Variants in RBFOX3 observed in about 807,000 individuals in gnomAD.
RBFOX3 encodes the protein RNA binding fox-1 homolog 3.
A neutral mutation model predicts 48.7 loss-of-function variants in RBFOX3; 17 were observed. That is an observed-to-expected ratio of 0.35 (90% CI 0.24 to 0.52). The LOEUF is 0.52. RBFOX3 is among the 20% of genes least tolerant of loss of function. RBFOX3 has a pLI of 0.94. For missense variants in RBFOX3, 382 were observed against 497.5 expected (o/e 0.77, Z 2.21); for synonymous variants, 212 against 209.5 (o/e 1.01, Z -0.10).
At chr17:79,270,304 C>A (rs182906258) in intron 3 of RBFOX3, among the ~76,000 whole-genome samples, 1 of 152,204 alleles carries the variant, frequency 6.6e-6, no homozygotes, top group Non-Finnish European at 1.5e-5. Flanking sequence ...GAGTTCAGAA[C>A]CATCTCTGCA....
At position 79,268,149 on chromosome 17, in the gene RBFOX3, GA is replaced by G. The variant is rs1415227723; in HGVS notation, c.-73-32345del. On this transcript the variant is annotated intron_variant, in intron 3 of 14. Coordinates refer to ENST00000693108, the MANE Select transcript of RBFOX3 (RefSeq NM_001350451.2). ...CTGGCTGCCGTGAGGGGCAAGCAGG[GA>G]GAGTGGCTTCTCGTCTGCGAGTCTG... Among the ~76,000 whole-genome samples the G allele has an allele frequency of 1.4e-4, 8 of 59,106 alleles. No homozygotes were observed. The East Asian group carries it at 8.4e-3, about 62-fold the overall frequency. 38.8% of individuals were successfully genotyped at this position (59,106 alleles called of 152,430 possible).
chr17:79,177,936 C>T (rs954088137), intron 4 of RBFOX3, among the ~76,000 whole-genome samples: 33 of 152,326 alleles, frequency 2.2e-4, no homozygotes, highest in Admixed American at 1.1e-3. Context: ...TTGGGAGGAG[C>T]CCCAGTCTCT....
intron 2 of RBFOX3, among the ~76,000 whole-genome samples, chr17:79,384,879 T>C (rs1417326411): frequency 6.6e-6 from 1 of 152,216 alleles, no homozygotes; most frequent in Admixed American, 6.5e-5. Context: ...CGGGGGATGT[T>C]TCAGTGGGGA....
At chr17:79,173,739 CTT>C (rs1405163991) in intron 4 of RBFOX3, among the ~76,000 whole-genome samples, 1 of 152,122 alleles carries the variant, frequency 6.6e-6, no homozygotes, top group Non-Finnish European at 1.5e-5. Context: ...GGATCTCAGA[CTT>C]TGCTGATTTT....
chr17:79,440,218 G>A (rs2070578473), intron 2 of RBFOX3, among the ~76,000 whole-genome samples: 1 of 152,254 alleles, frequency 6.6e-6, no homozygotes, highest in Non-Finnish European at 1.5e-5. Context: ...CCTGTTATCA[G>A]GGTTAATAGC....
rs2061402518 is a variant in RBFOX3, at chr17:79,391,809, T to C, written c.-174-83985A>G. Among the ~76,000 whole-genome samples the C allele has an allele frequency of 6.6e-6, 1 of 151,828 alleles. No homozygotes were observed. The highest frequency in any genetic ancestry group is 2.1e-4 in the South Asian group (1 of 4,820). ...GCATGACAACGAGAACCAGTACGCA[T>C]GTGTTTGGGGGACAGCACACCCCCG... On this transcript the variant is annotated intron_variant, in intron 2 of 14. Transcript: ENST00000693108. This position sits in a 1 kb window ranked among gnomAD's most constrained non-coding sequence, Gnocchi z 5.0.
At chr17:79,129,746 C>G (rs1056541007) in intron 4 of RBFOX3, among the ~76,000 whole-genome samples, 36 of 152,362 alleles carry the variant, frequency 2.4e-4, no homozygotes, top group African/African-American at 8.4e-4. Context: ...GCCAATTTCC[C>G]TGGTGTAAAT....
Position 79,211,270 on chromosome 17 carries a change from A to G in RBFOX3, c.-34+24496T>C, listed in dbSNP as rs372888773. Among the ~76,000 whole-genome samples, 966 of 152,328 alleles carry G rather than the reference A, an allele frequency of 6.3e-3. 4 individuals are homozygous for G. Among genetic ancestry groups the G allele is most frequent in the Middle Eastern group, 0.02 (6 of 294 alleles). On this transcript the variant is annotated intron_variant, in intron 4 of 14. Transcript: ENST00000693108. ...CGTGGGGAGGCACAAGCCCTGAATC[A>G]GGATGCTCATTTTGGCACACGGCAG... is the stretch of plus-strand genomic sequence containing the variant.
Position 79,443,296 on chromosome 17 carries a change from G to A in RBFOX3, c.-175+39158C>T, listed in dbSNP as rs1247548103. Among the ~76,000 whole-genome samples, 2 of 152,254 alleles carry A rather than the reference G, an allele frequency of 1.3e-5. No homozygotes were observed. Among genetic ancestry groups the A allele is most frequent in the Non-Finnish European group, 2.9e-5 (2 of 68,042 alleles). Reference sequence around the variant, plus strand: ...CTGCCACCGGCCTCGCCACGGGGGAGACCAGGCCAAGGCCTTGCCAAACAC... The same window carrying A: ...CTGCCACCGGCCTCGCCACGGGGGAAACCAGGCCAAGGCCTTGCCAAACAC... On this transcript the variant is annotated intron_variant, in intron 2 of 14. Transcript: ENST00000693108. The surrounding 1 kb of genome is among the most constrained non-coding windows in gnomAD (Gnocchi z 4.4).
At position 79,243,227 on chromosome 17, in the gene RBFOX3, G is replaced by T. The variant is rs1381418692; in HGVS notation, c.-73-7422C>A. Among the ~76,000 whole-genome samples the T allele has an allele frequency of 1.3e-5, 2 of 152,010 alleles. No individual in the cohort carries two copies. Among genetic ancestry groups the T allele is most frequent in the African/African-American group, 4.8e-5 (2 of 41,386 alleles). On this transcript the variant is annotated intron_variant, in intron 3 of 14. Transcript: ENST00000693108. The surrounding 1 kb of genome is among the most constrained non-coding windows in gnomAD (Gnocchi z 7.9). ...GCGAGACCCACCTGACCACAACCTT[G>T]TGCTTAGAGCTGATTATTCTGCTCA...
chr17:79,127,387 G>A (rs2037573822), intron 4 of RBFOX3, among the ~76,000 whole-genome samples: 1 of 152,250 alleles, frequency 6.6e-6, no homozygotes, highest in Admixed American at 6.5e-5. Flanking sequence ...AGAAGCAGGT[G>A]TCCAGAGCGG....
intron 1 of RBFOX3, among the ~76,000 whole-genome samples, chr17:79,522,545 C>A (rs1171657527): frequency 1.3e-5 from 2 of 152,064 alleles, no homozygotes; most frequent in South Asian, 2.1e-4. Context: ...AAGACGGCAT[C>A]ACATTTAAAG....
intron 2 of RBFOX3, among the ~76,000 whole-genome samples, chr17:79,366,477 G>A (rs1395575448): frequency 1.3e-5 from 2 of 152,160 alleles, no homozygotes; most frequent in African/African-American, 2.4e-5. Context: ...ATATTATGCC[G>A]GCGCCACGTC....
In RBFOX3 at chr17:79,477,935, C is replaced by T. The variant is rs2078180202; in HGVS notation, c.-175+4519G>A. ...CCCAGCAACGTCCTTCAGCTGGGCA[C>T]CGCCTGTTCCACCCAGGAGCACCTA... On this transcript the variant is annotated intron_variant, in intron 2 of 14. Coordinates refer to ENST00000693108, the MANE Select transcript of RBFOX3 (RefSeq NM_001350451.2). This position sits in a 1 kb window ranked among gnomAD's most constrained non-coding sequence, Gnocchi z 4.8. Among the ~76,000 whole-genome samples, 1 of 152,164 alleles carries T rather than the reference C, an allele frequency of 6.6e-6. No individual in the cohort carries two copies. The highest frequency in any genetic ancestry group is 2.4e-5 in the African/African-American group (1 of 41,454).
At chr17:79,654,030 C>CG in the RBFOX3 span, among the ~76,000 whole-genome samples, 2 of 149,126 alleles carry the variant, frequency 1.3e-5, no homozygotes, top group Non-Finnish European at 3.0e-5. Context: ...AAATACTGCT[C>CG]TTTTTTTTTT....
intron 1 of RBFOX3, among the ~76,000 whole-genome samples, chr17:79,578,127 A>AG (rs1394794618): frequency 6.6e-6 from 1 of 152,228 alleles, no homozygotes; most frequent in Non-Finnish European, 1.5e-5. Flanking sequence ...GGTGGAGGGA[A>AG]GGGGGGTGGC....
intron 4 of RBFOX3, among the ~76,000 whole-genome samples, chr17:79,146,036 G>A (rs1241212792): frequency 1.3e-5 from 2 of 152,154 alleles, no homozygotes; most frequent in Admixed American, 6.5e-5. Flanking sequence ...CAGTTCACAC[G>A]TGAACTGTGC....
intron 2 of RBFOX3, among the ~76,000 whole-genome samples, chr17:79,446,570 G>A (rs1291445450): frequency 6.6e-6 from 1 of 152,174 alleles, no homozygotes; most frequent in Non-Finnish European, 1.5e-5. Context: ...CCATTGCTAT[G>A]GCAACGCTCC....
intron 1 of RBFOX3, among the ~76,000 whole-genome samples, chr17:79,540,861 GT>G (rs2089592332): frequency 6.6e-6 from 1 of 152,190 alleles, no homozygotes. Context: ...TTTAGTACCA[GT>G]TCTACTTCAA....
Sources: allele counts gnomAD v4.1 joint callset (sites outside exome capture counted in the v4.1 genomes callset), GRCh38; gene constraint gnomAD v4.1.1; non-coding constraint Gnocchi (gnomAD v3.1); transcripts MANE v1.5; gene names NCBI Gene and HGNC (gene_info 2026-07-23, HGNC 2026-07-21).